UNC13C: variants seen among roughly 807,000 people sequenced by gnomAD.
UNC13C encodes protein unc-13 homolog C.
A neutral mutation model predicts 245.4 loss-of-function variants in UNC13C; 174 were observed. The ratio of observed to expected loss-of-function variants is 0.71; its 90% CI spans 0.63 to 0.80. The LOEUF is 0.80. Among genes scored for constraint, UNC13C ranks in the 30% least tolerant of loss-of-function variants. The pLI is 0.00. For synonymous variants in UNC13C, 992 were observed against 895.1 expected, an observed-to-expected ratio of 1.11 and a Z score of -1.93; for missense variants, 2,829 against 2,602.9, an observed-to-expected ratio of 1.09 and a Z score of -1.89.
the UNC13C span, among the ~76,000 whole-genome samples, chr15:53,967,477 G>A: frequency 1.3e-5 from 2 of 151,796 alleles, no homozygotes; most frequent in Non-Finnish European, 2.9e-5. Context: ...ATTCCTTATT[G>A]CTTTCTTCTA....
At chr15:54,615,960 G>T (rs1900406805) in intron 30 of UNC13C, among the ~76,000 whole-genome samples, 1 of 152,004 alleles carries the variant, frequency 6.6e-6, no homozygotes, top group East Asian at 1.9e-4. Context: ...AAAACAAAAA[G>T]ACTGGACCAA....
intron 2 of UNC13C, among the ~76,000 whole-genome samples, chr15:54,056,208 T>C (rs1897513223): frequency 6.6e-6 from 1 of 151,904 alleles, no homozygotes; most frequent in Admixed American, 6.6e-5. Context: ...GTTAAAAACT[T>C]TGAAAAAAAA....
At chr15:53,949,025 C>T in the UNC13C span, among the ~76,000 whole-genome samples, 1 of 152,172 alleles carries the variant, frequency 6.6e-6, no homozygotes, top group East Asian at 1.9e-4. Flanking sequence ...ATTGAAGATA[C>T]AGCAGTGGGC....
chr15:54,370,824 C>A lies in UNC13C; in HGVS notation c.4714-22224C>A, dbSNP rs1457784190. Among the ~76,000 whole-genome samples, 3 of 151,918 alleles carry A rather than the reference C, an allele frequency of 2.0e-5. No individual in the cohort carries two copies. The East Asian group carries it at 5.8e-4, about 29-fold the overall frequency. ...ATTATAAAGCTATTTTTTAAAATCTCAATTATAAAAATTAAAATATCCTTC... is the reference window on the plus strand; with the variant it reads ...ATTATAAAGCTATTTTTTAAAATCTAAATTATAAAAATTAAAATATCCTTC... On this transcript the variant is annotated intron_variant, in intron 17 of 32. Transcript: ENST00000260323.
chr15:53,908,962 A>G, the UNC13C span, among the ~76,000 whole-genome samples: 1 of 146,462 alleles, frequency 6.8e-6, no homozygotes, highest in Non-Finnish European at 1.5e-5. Context: ...GGTTCAACAT[A>G]TCTATAAACA....
At chr15:54,289,723 C>T (rs1397417488) in intron 10 of UNC13C, among the ~76,000 whole-genome samples, 1 of 151,976 alleles carries the variant, frequency 6.6e-6, no homozygotes. Context: ...TTGGGGAAAA[C>T]ACCGATCAAT....
chr15:54,386,801 A>G (rs146952925), intron 17 of UNC13C, among the ~76,000 whole-genome samples: 228 of 152,224 alleles, frequency 1.5e-3, no homozygotes, highest in African/African-American at 5.2e-3. Context: ...GAAGTAGTGG[A>G]GGTAGCATTA....
chr15:54,624,017 T>G, intron 32 of UNC13C, 63 bp downstream of exon 32: 1 of 1,594,854 alleles, frequency 6.3e-7, no homozygotes, highest in Non-Finnish European at 8.6e-7. Flanking sequence ...CTGACCTTAC[T>G]GAGGGATTTG....
At position 54,477,520 on chromosome 15, in the gene UNC13C, C is replaced by A. The variant is rs796248589; in HGVS notation, c.4934-17088C>A. 3.7e-3 allele frequency among the ~76,000 whole-genome samples: 387 copies of A among 104,742 alleles called. 87 individuals carry two copies. Among genetic ancestry groups the A allele is most frequent in the Non-Finnish European group, 6.4e-3 (308 of 47,784 alleles). 68.7% of individuals were successfully genotyped at this position (104,742 alleles called of 152,430 possible). A position where few individuals can be genotyped will look rare whatever the true frequency, so the allele number is the denominator to read the frequency against. On this transcript the variant is annotated intron_variant, in intron 19 of 32. Transcript: ENST00000260323. ...TTTATTGAGAGTTTTTAGCATGAAG[C>A]GTTGTTGAATTTTTTCAAAGGCCTT...
chr15:54,621,563 A>T (rs1415577358), intron 30 of UNC13C, among the ~76,000 whole-genome samples: 1 of 152,206 alleles, frequency 6.6e-6, no homozygotes, highest in Non-Finnish European at 1.5e-5. Context: ...AGGCCTGGTA[A>T]CAAATAGCTA....
At position 54,333,841 on chromosome 15, in the gene UNC13C, CT is replaced by C; in HGVS notation, c.4575del (p.Phe1525LeufsTer3). On this transcript the variant is annotated frameshift_variant, in exon 16 of 33. Transcript: ENST00000260323. LOFTEE classifies it high-confidence loss of function. ...CTGTTGACCTGTTAACAAGTATCAC[CT>C]TTTTTAGGATGAAGGTATCTCATTT... ...STVDLLTSITFFRMKVLELQS... is the reference protein window; with the variant it reads ...STVDLLTSITXFRMKVLELQS... 1.9e-6 allele frequency: 3 copies of C among 1,601,986 alleles called. No homozygotes were observed. The highest frequency in any genetic ancestry group is 2.6e-6 in the Non-Finnish European group (3 of 1,173,204).
chr15:54,149,596 C>A (rs2032429793), intron 4 of UNC13C, among the ~76,000 whole-genome samples: 1 of 152,206 alleles, frequency 6.6e-6, no homozygotes, highest in African/African-American at 2.4e-5. Flanking sequence ...TCTAACCAAT[C>A]TTCCTTTGTT....
At chr15:54,392,740 G>T (rs932702315) in intron 17 of UNC13C, among the ~76,000 whole-genome samples, 1 of 150,784 alleles carries the variant, frequency 6.6e-6, no homozygotes, top group East Asian at 2.0e-4. Context: ...AATTCTTAAG[G>T]TCATGAACTT....
intron 1 of UNC13C, among the ~76,000 whole-genome samples, chr15:53,993,423 G>A (rs985397366): frequency 2.0e-5 from 3 of 152,050 alleles, no homozygotes; most frequent in African/African-American, 7.2e-5. Flanking sequence ...TGAACTCTTG[G>A]CAGCCAACAT....
intron 16 of UNC13C, among the ~76,000 whole-genome samples, chr15:54,337,963 A>G (rs911291311): frequency 6.6e-6 from 1 of 152,134 alleles, no homozygotes; most frequent in Non-Finnish European, 1.5e-5. Context: ...ATCATCATGT[A>G]ATATATTTTA....
intron 4 of UNC13C, among the ~76,000 whole-genome samples, chr15:54,220,558 G>A (rs1329340026): frequency 6.6e-6 from 1 of 151,244 alleles, no homozygotes; most frequent in Non-Finnish European, 1.5e-5. Flanking sequence ...TAACTAACCT[G>A]CACATTGTGT....
intron 10 of UNC13C, among the ~76,000 whole-genome samples, chr15:54,277,908 A>G (rs1032736233): frequency 2.0e-5 from 3 of 152,108 alleles, no homozygotes; most frequent in Non-Finnish European, 1.5e-5. Flanking sequence ...ATGAACTGGC[A>G]CTCCAGGCGA....
In UNC13C at chr15:54,036,476, C is replaced by A. The variant is rs146395317; in HGVS notation, c.2983+20590C>A. 6.5e-3 allele frequency among the ~76,000 whole-genome samples: 991 copies of A among 152,300 alleles called. 11 individuals are homozygous for A. The highest frequency in any genetic ancestry group is 0.022 in the African/African-American group (930 of 41,564). The stretch of plus-strand genomic sequence containing the variant: ...TAGGGACTGCATCTCTCACTTAACG[C>A]GCTCAAAAGTCGTTCTGTCTCAGTT... On this transcript the variant is annotated intron_variant, in intron 2 of 32. Transcript: ENST00000260323.
intron 4 of UNC13C, among the ~76,000 whole-genome samples, chr15:54,223,541 G>T (rs1251064289): frequency 1.3e-5 from 2 of 151,706 alleles, no homozygotes; most frequent in African/African-American, 4.8e-5. Flanking sequence ...TTTAAGTTTT[G>T]TGTTTTTTTG....
Sources: allele counts gnomAD v4.1 joint callset (sites outside exome capture counted in the v4.1 genomes callset), GRCh38; gene constraint gnomAD v4.1.1; transcripts MANE v1.5; gene names NCBI Gene and HGNC (gene_info 2026-07-23, HGNC 2026-07-21).